Variants in SLC44A5 observed in about 807,000 individuals in gnomAD.
SLC44A5 encodes the protein solute carrier family 44 member 5.
In SLC44A5, 57 loss-of-function variants were observed where a neutral mutation model predicts 101.8. That is an observed-to-expected ratio of 0.56 (90% CI 0.45 to 0.70). The LOEUF is 0.70. Among genes scored for constraint, SLC44A5 ranks in the 30% least tolerant of loss-of-function variants. The probability of loss-of-function intolerance (pLI) is 0.00; values close to 1 mark genes in which losing one functional copy is unlikely to be tolerated. For missense variants in SLC44A5, 737 were observed against 853.1 expected (o/e 0.86, Z 1.70); for synonymous variants, 281 against 290.9 (o/e 0.97, Z 0.35).
the SLC44A5 span, among the ~76,000 whole-genome samples, chr1:75,643,187 T>A: frequency 6.6e-6 from 1 of 152,142 alleles, no homozygotes; most frequent in Non-Finnish European, 1.5e-5. Flanking sequence ...CTAGTAACTT[T>A]ACTTATACTA....
rs146910557 is a variant in SLC44A5, at chr1:75,219,294, C to T, written c.1229G>A (p.Gly410Glu). The change falls in exon 16 of 24, where the codon GGG becomes GAG. Residue 410 changes from glycine (G) to glutamate (E), a missense_variant. By Grantham distance (98) the Gly-to-Glu change is moderately conservative. Transcript: ENST00000370859. ...VPVYKVIAPG[G>E]HCIHENQTCD... ...GGTTTGATTTTCATGTATACAATGC[C>T]CCCCTGGAGCTATGACTTTGTATAC... 1.2e-3 allele frequency: 2,015 copies of T among 1,613,268 alleles called. 1 individual carries two copies. The highest frequency in any genetic ancestry group is 1.5e-3 in the Non-Finnish European group (1,783 of 1,179,432).
At chr1:75,265,816 A>C (rs111690869) in intron 6 of SLC44A5, among the ~76,000 whole-genome samples, 22 of 152,194 alleles carry the variant, frequency 1.4e-4, no homozygotes, top group Admixed American at 3.9e-4. Flanking sequence ...ATGGTGCTAC[A>C]TCAGACAATG....
chr1:75,615,411 TC>T (rs1570749530), upstream of SLC44A5, among the ~76,000 whole-genome samples: 1 of 78,924 alleles, frequency 1.3e-5, no homozygotes, highest in Admixed American at 1.5e-4. Flanking sequence ...ACTCTCTCTC[TC>T]TCTTACACAC....
At chr1:75,363,490 T>C (rs1325064176) in intron 3 of SLC44A5, among the ~76,000 whole-genome samples, 1 of 152,052 alleles carries the variant, frequency 6.6e-6, no homozygotes, top group Non-Finnish European at 1.5e-5. Context: ...GAAACTTATA[T>C]AAAATATTTT....
At chr1:75,632,225 G>C in the SLC44A5 span, among the ~76,000 whole-genome samples, 8 of 151,924 alleles carry the variant, frequency 5.3e-5, no homozygotes, top group African/African-American at 1.9e-4. Flanking sequence ...TCTTTACCTT[G>C]CCTCTTCAGT....
chr1:75,710,618 A>C, the SLC44A5 span: 2 of 151,640 alleles, frequency 1.3e-5, no homozygotes, highest in Admixed American at 1.3e-4. Context: ...TAAAATCTAA[A>C]AAGCATAGAG....
intron 1 of SLC44A5, among the ~76,000 whole-genome samples, chr1:75,597,502 C>T (rs1674710962): frequency 6.6e-6 from 1 of 152,022 alleles, no homozygotes; most frequent in Non-Finnish European, 1.5e-5. Context: ...CAATCATACA[C>T]AAAAAGAGTA....
In SLC44A5 at chr1:75,218,534, G is replaced by C; in HGVS notation, c.1485C>G (p.Asp495Glu). Residue 495 changes from aspartate (D) to glutamate (E), a missense_variant, in exon 17 of 24, where the codon GAC becomes GAG. Physicochemically the swap from Asp to Glu is conservative, Grantham distance 45 (BLOSUM62 2). Around this residue, in one of 3 missense-constraint regions of SLC44A5, gnomAD observed 665 missense variants for 764.4 expected, o/e 0.87. Coordinates refer to ENST00000370859, the MANE Select transcript of SLC44A5 (RefSeq NM_001130058.2). ...TYYWAMKKPD[D>E]IPRYPLFTAF... ...CAGTAAAAAGTGGATATCGTGGGAT[G>C]TCATCAGGTTTTTTCATGGCCCAGT... The C allele has an allele frequency of 6.2e-7, 1 of 1,613,816 alleles. No homozygotes were observed. The highest frequency in any genetic ancestry group is 1.1e-5 in the South Asian group (1 of 91,078).
intron 1 of SLC44A5, among the ~76,000 whole-genome samples, chr1:75,554,477 A>AT (rs1410638274): frequency 6.6e-6 from 1 of 151,816 alleles, no homozygotes; most frequent in Non-Finnish European, 1.5e-5. Flanking sequence ...GTCAAAAAAA[A>AT]AAAAAAAAAA....
At chr1:75,612,208 G>A (rs1193227563), upstream of SLC44A5, among the ~76,000 whole-genome samples, 1 of 152,056 alleles carries the variant, frequency 6.6e-6, no homozygotes, top group Non-Finnish European at 1.5e-5. Flanking sequence ...GTTGGCCTAG[G>A]GAGTTGATGT....
At chr1:75,416,207 T>C (rs1293738427) in intron 2 of SLC44A5, among the ~76,000 whole-genome samples, 1 of 152,192 alleles carries the variant, frequency 6.6e-6, no homozygotes, top group Non-Finnish European at 1.5e-5. Flanking sequence ...GTCTCCCTAC[T>C]GTGTGCAGCC....
chr1:75,365,792 T>C (rs763357471), intron 3 of SLC44A5, among the ~76,000 whole-genome samples: 2 of 152,214 alleles, frequency 1.3e-5, no homozygotes, highest in East Asian at 3.9e-4. Flanking sequence ...TTCTATTTTA[T>C]TTATCTGCTA....
intron 1 of SLC44A5, among the ~76,000 whole-genome samples, chr1:75,564,059 G>C (rs910173247): frequency 6.6e-6 from 1 of 152,108 alleles, no homozygotes; most frequent in South Asian, 2.1e-4. Flanking sequence ...GACAATTCTT[G>C]CCATCAATGA....
chr1:75,205,944 G>A (rs1646742320), intron 23 of SLC44A5: 3 of 152,150 alleles, frequency 2.0e-5, no homozygotes. Flanking sequence ...CCAGAACTCA[G>A]ATTCGACTTC....
At chr1:75,228,730 A>T (rs1375076342) in intron 12 of SLC44A5, among the ~76,000 whole-genome samples, 2 of 151,490 alleles carry the variant, frequency 1.3e-5, no homozygotes, top group Non-Finnish European at 2.9e-5. Context: ...CTCTATTTTT[A>T]TAATAGATTA....
chr1:75,614,277 T>C (rs1675774337), upstream of SLC44A5, among the ~76,000 whole-genome samples: 1 of 152,222 alleles, frequency 6.6e-6, no homozygotes, highest in Non-Finnish European at 1.5e-5. Flanking sequence ...TGTATCTCTA[T>C]ACCCATGCGC....
At chr1:75,499,291 T>C (rs768120263) in intron 2 of SLC44A5, among the ~76,000 whole-genome samples, 2 of 152,200 alleles carry the variant, frequency 1.3e-5, no homozygotes, top group Non-Finnish European at 2.9e-5. Flanking sequence ...CCTCAGATCA[T>C]CAGGCATTAG....
chr1:75,211,814 C>CTTTCTTTTCT lies in SLC44A5; in HGVS notation c.1963-272_1963-263dup, dbSNP rs61300748. Among the ~76,000 whole-genome samples the CTTTCTTTTCT allele has an allele frequency of 9.2e-4, 135 of 146,754 alleles. 2 individuals carry two copies. The highest frequency in any genetic ancestry group is 6.7e-3 in the Admixed American group (97 of 14,542). On this transcript the variant is annotated intron_variant, in intron 22 of 23. Transcript: ENST00000370859. Reference sequence around the variant, plus strand: ...TCTTTCTTCCTTCCCTTCCTTTCCCCTTTCTTTTCTTTTCTTTTCTTTTTT... The same window carrying CTTTCTTTTCT: ...TCTTTCTTCCTTCCCTTCCTTTCCCCTTTCTTTTCTTTTCTTTTCTTTTCTTTTCTTTTTT...
At chr1:75,700,410 G>C in the SLC44A5 span, among the ~76,000 whole-genome samples, 6 of 149,468 alleles carry the variant, frequency 4.0e-5, no homozygotes, top group East Asian at 1.2e-3. Context: ...ATGACTACTG[G>C]GTACATAACG....
Sources: gnomAD v4.1 joint callset for allele counts (sites outside exome capture counted in the v4.1 genomes callset) on GRCh38, gnomAD v4.1.1 for gene constraint, gnomAD v4.1.1 regional missense constraint, MANE v1.5 for transcripts, NCBI Gene and HGNC (gene_info 2026-07-23, HGNC 2026-07-21) for gene names.